Variants in JPH1 observed in about 807,000 individuals in gnomAD.
JPH1 encodes the protein junctophilin 1.
JPH1 carries 12 observed loss-of-function variants against 53.6 expected under a neutral mutation model. The observed-to-expected ratio is 0.22, with a 90% CI of 0.14 to 0.36. The LOEUF is 0.36. Ranked by LOEUF, JPH1 falls within the 10% of genes least tolerant of loss-of-function variation. JPH1 has a pLI of 1.00. For synonymous variants in JPH1, 375 were observed against 363.8 expected (o/e 1.03, Z -0.35); for missense variants, 808 against 905.5 (o/e 0.89, Z 1.38).
intron 2 of JPH1, among the ~76,000 whole-genome samples, chr8:74,288,833 G>A (rs1807242424): frequency 6.6e-6 from 1 of 152,218 alleles, no homozygotes; most frequent in African/African-American, 2.4e-5. Flanking sequence ...TGAAACCACA[G>A]ACTTATGTAA....
intron 4 of JPH1, 41 bp from the exon 5 acceptor site, chr8:74,237,344 G>A: frequency 6.8e-7 from 1 of 1,464,916 alleles, no homozygotes; most frequent in Non-Finnish European, 9.5e-7. Flanking sequence ...ACTTCTCCAT[G>A]TTAATATCAA....
chr8:74,243,307 C>A (rs1563391838), intron 4 of JPH1, among the ~76,000 whole-genome samples: 1 of 152,146 alleles, frequency 6.6e-6, no homozygotes, highest in Admixed American at 6.5e-5. Flanking sequence ...GAGTCAGAAT[C>A]TTAAAGTTAG....
intron 2 of JPH1, among the ~76,000 whole-genome samples, chr8:74,310,739 A>G (rs1807970285): frequency 6.6e-6 from 1 of 152,228 alleles, no homozygotes; most frequent in South Asian, 2.1e-4. Flanking sequence ...TCCTGGAGAC[A>G]TTATTGGAGA....
intron 3 of JPH1, among the ~76,000 whole-genome samples, chr8:74,250,513 G>A (rs1294693127): frequency 6.6e-6 from 1 of 152,196 alleles, no homozygotes; most frequent in Non-Finnish European, 1.5e-5. Context: ...GCAGGGCCCC[G>A]GTCCCCCCTG....
chr8:74,270,045 T>C (rs958678641), intron 2 of JPH1, among the ~76,000 whole-genome samples: 68 of 152,358 alleles, frequency 4.5e-4, no homozygotes, highest in African/African-American at 1.5e-3. Flanking sequence ...AATACATTTA[T>C]GCTTCCTATT....
At chr8:74,264,682 T>C (rs972012340) in intron 2 of JPH1, among the ~76,000 whole-genome samples, 3 of 152,194 alleles carry the variant, frequency 2.0e-5, no homozygotes, top group African/African-American at 7.2e-5. Flanking sequence ...GAGCCACAAG[T>C]GATTTTTGTC....
Position 74,320,121 on chromosome 8 carries a change from C to A in JPH1, c.379+788G>T, listed in dbSNP as rs1049903239. 2.6e-5 allele frequency among the ~76,000 whole-genome samples: 4 copies of A among 152,166 alleles called. No individual in the cohort carries two copies. The highest frequency in any genetic ancestry group is 6.5e-5 in the Admixed American group (1 of 15,282). ...TAACTTAGCAGCTATAGGAACACAC[C>A]TGCTAATTGTATTCTTTAAAATGTA... On this transcript the variant is annotated intron_variant, in intron 1 of 5. Coordinates refer to ENST00000342232, the MANE Select transcript of JPH1 (RefSeq NM_020647.4). The surrounding 1 kb of genome is among the most constrained non-coding windows in gnomAD (Gnocchi z 4.4).
intron 2 of JPH1, among the ~76,000 whole-genome samples, chr8:74,264,039 G>A (rs1404500778): frequency 3.9e-5 from 6 of 152,178 alleles, no homozygotes; most frequent in Admixed American, 2.6e-4. Context: ...TAAGAAATGA[G>A]TCTTTCAATC....
intron 2 of JPH1, among the ~76,000 whole-genome samples, chr8:74,299,050 C>A (rs1238979652): frequency 1.3e-5 from 2 of 152,174 alleles, no homozygotes; most frequent in African/African-American, 4.8e-5. Context: ...ACCTTTACTG[C>A]CTTTGAGGGG....
intron 1 of JPH1, among the ~76,000 whole-genome samples, chr8:74,319,671 T>C (rs1222624555): frequency 6.6e-6 from 1 of 152,230 alleles, no homozygotes; most frequent in Non-Finnish European, 1.5e-5. Context: ...TGTGTAAGCT[T>C]TTATATAAGC....
chr8:74,321,354 T>G lies in JPH1; in HGVS notation c.-67A>C. ...GCGGGCAGTGCTGGGCACGGCAGGG[T>G]GTAGCTCGGGGGTGGGGGCCCGGCG... is the stretch of plus-strand genomic sequence containing the variant. On this transcript the variant is annotated 5_prime_UTR_variant, in exon 1 of 6. Transcript: ENST00000342232. The surrounding 1 kb of genome is among the most constrained non-coding windows in gnomAD (Gnocchi z 4.3). 1 of 1,403,034 alleles carries G rather than the reference T, an allele frequency of 7.1e-7. No homozygotes were observed. The highest frequency in any genetic ancestry group is 9.3e-7 in the Non-Finnish European group (1 of 1,081,028). The allele number at this position is 1,403,034 out of a possible 1,614,324, so 86.9% of individuals were successfully genotyped here. A position where few individuals can be genotyped will look rare whatever the true frequency, so the allele number is the denominator to read the frequency against.
chr8:74,283,442 T>C (rs1807071051), intron 2 of JPH1, among the ~76,000 whole-genome samples: 1 of 152,126 alleles, frequency 6.6e-6, no homozygotes, highest in Admixed American at 6.5e-5. Context: ...AGAGAGGGGC[T>C]TGCACTGATG....
intron 2 of JPH1, among the ~76,000 whole-genome samples, chr8:74,307,658 G>A (rs573510684): frequency 1.4e-4 from 22 of 152,114 alleles, no homozygotes; most frequent in Non-Finnish European, 2.4e-4. Flanking sequence ...TCCCCTTCCC[G>A]TTAAAATCAC....
chr8:74,280,484 T>C (rs1015714537), intron 2 of JPH1, among the ~76,000 whole-genome samples: 6 of 152,182 alleles, frequency 3.9e-5, no homozygotes, highest in African/African-American at 1.4e-4. Context: ...TTTTTAATTT[T>C]TGATTATTCT....
chr8:74,303,022 C>T (rs968511486), intron 2 of JPH1, among the ~76,000 whole-genome samples: 4 of 150,160 alleles, frequency 2.7e-5, no homozygotes, highest in Non-Finnish European at 5.9e-5. Context: ...TGAGCACAAA[C>T]CTTAGAAAGC....
chr8:74,269,983 C>G (rs1235360645), intron 2 of JPH1, among the ~76,000 whole-genome samples: 1 of 152,198 alleles, frequency 6.6e-6, no homozygotes, highest in Non-Finnish European at 1.5e-5. Context: ...TTCATGCTTT[C>G]TCTGTGAATC....
chr8:74,244,680 G>A lies in JPH1; in HGVS notation c.1754C>T (p.Ser585Phe). Residue 585 changes from serine to phenylalanine, a missense_variant, in exon 4 of 6, where the codon TCC (serine) becomes TTC (phenylalanine). Physicochemically the swap from Ser to Phe is radical, Grantham distance 155. Coordinates refer to ENST00000342232, the MANE Select transcript of JPH1 (RefSeq NM_020647.4). ...QSSSALVHKPSANKWSPSKSV... is the reference protein window; with the variant it reads ...QSSSALVHKPFANKWSPSKSV... ...TTTGGAGGGACTCCACTTGTTAGCG[G>A]ATGGCTTGTGCACCAGTGCTGAGGA... 1 of 1,614,182 alleles carries A rather than the reference G, an allele frequency of 6.2e-7. No homozygotes were observed. The highest frequency in any genetic ancestry group is 8.5e-7 in the Non-Finnish European group (1 of 1,180,034).
In JPH1 at chr8:74,315,681, C is replaced by T. The variant is rs1002176028; in HGVS notation, c.380-61G>A. 1.0e-5 allele frequency: 15 copies of T among 1,482,266 alleles called. No individual in the cohort carries two copies. Among genetic ancestry groups the T allele is most frequent in the Non-Finnish European group, 1.4e-5 (15 of 1,109,756 alleles). The allele number at this position is 1,482,266 out of a possible 1,614,324, so 91.8% of individuals were successfully genotyped here. ...GGCAGAGCTGCACCGTCACCTGCAC[C>T]ATCCAGCGCACACTGGCGCAGGCCT... On this transcript the variant is annotated intron_variant, in intron 1 of 5. Coordinates refer to ENST00000342232, the MANE Select transcript of JPH1 (RefSeq NM_020647.4). The surrounding 1 kb of genome is among the most constrained non-coding windows in gnomAD (Gnocchi z 6.3).
At chr8:74,290,923 G>A (rs1807306555) in intron 2 of JPH1, among the ~76,000 whole-genome samples, 1 of 152,156 alleles carries the variant, frequency 6.6e-6, no homozygotes, top group South Asian at 2.1e-4. Context: ...AAACTGGCTA[G>A]GCATATGCAG....
Sources: gnomAD v4.1 joint callset for allele counts (sites outside exome capture counted in the v4.1 genomes callset) on GRCh38, gnomAD v4.1.1 for gene constraint, Gnocchi (gnomAD v3.1) non-coding constraint, MANE v1.5 for transcripts, NCBI Gene and HGNC (gene_info 2026-07-23, HGNC 2026-07-21) for gene names.